Variants in GPR137C observed in about 807,000 individuals in gnomAD.
GPR137C encodes G protein-coupled receptor 137C, also known as integral membrane protein GPR137C.
A neutral mutation model predicts 43.4 loss-of-function variants in GPR137C; 27 were observed. That is an observed-to-expected ratio of 0.62 (90% CI 0.46 to 0.86). The LOEUF is 0.86. Ranked by LOEUF, GPR137C falls within the 40% of genes least tolerant of loss-of-function variation. The pLI is 0.00. For missense variants in GPR137C, 522 were observed against 534.6 expected (o/e 0.98, Z 0.23); for synonymous variants, 285 against 226.9 (o/e 1.26, Z -2.30).
rs1013867540 is a variant in GPR137C at position 52,612,145 on chromosome 14, TC to T, written c.717+11805del. Reference sequence around the variant, plus strand: ...TTATCCTTACTAAAAATGTATTTTTTCTGATTATTAAAACTTGGCAATATGA... The same window carrying T: ...TTATCCTTACTAAAAATGTATTTTTTTGATTATTAAAACTTGGCAATATGA... On this transcript the variant is annotated intron_variant, in intron 3 of 6. Transcript: ENST00000321662. The T allele has an allele frequency of 6.1e-6, 6 of 983,428 alleles. No homozygotes were observed. In the African/African-American group the frequency reaches 7.0e-5, roughly 11 times the overall value. 60.9% of individuals were successfully genotyped at this position (983,428 alleles called of 1,614,324 possible). A position where few individuals can be genotyped will look rare whatever the true frequency, so the allele number is the denominator to read the frequency against.
At chr14:52,598,237 G>GT in intron 1 of GPR137C, 35 bp from the exon 2 acceptor site, 2 of 872,832 alleles carry the variant, frequency 2.3e-6, no homozygotes, top group Non-Finnish European at 3.4e-6. Context: ...TATATTACAC[G>GT]TTTTCAAAAT....
intron 3 of GPR137C, among the ~76,000 whole-genome samples, chr14:52,610,060 C>T (rs181552065): frequency 2.8e-4 from 42 of 152,250 alleles, no homozygotes; most frequent in African/African-American, 1.0e-3. Flanking sequence ...CTACAGGTAC[C>T]TATGTGATGG....
intron 3 of GPR137C, among the ~76,000 whole-genome samples, chr14:52,616,874 T>C (rs2139561217): frequency 6.6e-6 from 1 of 152,330 alleles, no homozygotes; most frequent in South Asian, 2.1e-4. Flanking sequence ...TAGAGTCGTC[T>C]TTTCTGACCT....
At chr14:52,609,355 G>C (rs752663709) in intron 3 of GPR137C, among the ~76,000 whole-genome samples, 2 of 152,238 alleles carry the variant, frequency 1.3e-5, no homozygotes, top group African/African-American at 2.4e-5. Flanking sequence ...CCTTAAAACA[G>C]CTATTTAAAA....
chr14:52,598,641 T>A (rs1375973791), intron 2 of GPR137C, among the ~76,000 whole-genome samples: 1 of 152,176 alleles, frequency 6.6e-6, no homozygotes, highest in Non-Finnish European at 1.5e-5. Flanking sequence ...ATTATGCTGT[T>A]TGGAGTGAGA....
chr14:52,553,093 C>A lies in GPR137C; in HGVS notation c.-55C>A. 1 of 1,002,976 alleles carries A rather than the reference C, an allele frequency of 1.0e-6. No individual in the cohort carries two copies. Among genetic ancestry groups the A allele is most frequent in the African/African-American group, 1.7e-5 (1 of 58,410 alleles). The allele number at this position is 1,002,976 out of a possible 1,614,324, so 62.1% of individuals were successfully genotyped here. ...CAGTCCTTCTCCCCTTCGACGGCGG[C>A]TCCGAGTCCAGCCCCTTCCTTCCCG... is the stretch of plus-strand genomic sequence containing the variant. On this transcript the variant is annotated 5_prime_UTR_variant, in exon 1 of 7. Transcript: ENST00000321662.
chr14:52,625,468 T>G (rs12893835), intron 3 of GPR137C, among the ~76,000 whole-genome samples: 1 of 114,342 alleles, frequency 8.7e-6, no homozygotes, highest in African/African-American at 3.4e-5. Flanking sequence ...GGTGACAGAG[T>G]GAGACTCCAT....
chr14:52,624,003 C>A (rs1054811252), intron 3 of GPR137C, among the ~76,000 whole-genome samples: 4 of 151,740 alleles, frequency 2.6e-5, no homozygotes, highest in Admixed American at 1.3e-4. Flanking sequence ...AGCAACAATT[C>A]CCCCATTTCT....
intron 1 of GPR137C, among the ~76,000 whole-genome samples, chr14:52,565,412 T>G (rs1049876166): frequency 6.6e-5 from 10 of 152,216 alleles, no homozygotes; most frequent in African/African-American, 2.4e-4. Flanking sequence ...CTGAGTAATT[T>G]ATACCTTATG....
chr14:52,557,721 T>G (rs2139430406), intron 1 of GPR137C, among the ~76,000 whole-genome samples: 1 of 152,346 alleles, frequency 6.6e-6, no homozygotes, highest in East Asian at 1.9e-4. Context: ...GTAACATTTG[T>G]CTTCACAACC....
At chr14:52,602,130 A>T (rs1032961081) in intron 3 of GPR137C, among the ~76,000 whole-genome samples, 1 of 151,170 alleles carries the variant, frequency 6.6e-6, no homozygotes, top group Non-Finnish European at 1.5e-5. Context: ...CAGTCTTCCT[A>T]ACTAGATTAT....
chr14:52,568,199 G>A (rs1357579890), intron 1 of GPR137C, among the ~76,000 whole-genome samples: 1 of 152,158 alleles, frequency 6.6e-6, no homozygotes, highest in Admixed American at 6.5e-5. Context: ...GAAGCCCAAG[G>A]GGTCAGGGAA....
intron 3 of GPR137C, among the ~76,000 whole-genome samples, chr14:52,629,905 T>C (rs2139580994): frequency 6.6e-6 from 1 of 152,320 alleles, no homozygotes; most frequent in East Asian, 1.9e-4. Context: ...TTTTCACTTA[T>C]CAAGTGTGGA....
intron 1 of GPR137C, among the ~76,000 whole-genome samples, chr14:52,571,485 C>T (rs1024339732): frequency 6.6e-6 from 1 of 151,994 alleles, no homozygotes; most frequent in African/African-American, 2.4e-5. Flanking sequence ...CCAGCCTGGC[C>T]AACATAGTGA....
intron 3 of GPR137C, among the ~76,000 whole-genome samples, chr14:52,609,731 C>T (rs185506195): frequency 9.2e-5 from 14 of 152,244 alleles, no homozygotes; most frequent in African/African-American, 2.4e-4. Context: ...AGGAAGGTAC[C>T]GGGGCTGGGT....
chr14:52,590,137 G>T (rs529028941), intron 1 of GPR137C, among the ~76,000 whole-genome samples: 2 of 152,116 alleles, frequency 1.3e-5, no homozygotes, highest in African/African-American at 2.4e-5. Context: ...TTAGAAGACA[G>T]TGATACAGAT....
At chr14:52,608,083 A>G (rs1405240490) in intron 3 of GPR137C, among the ~76,000 whole-genome samples, 1 of 152,148 alleles carries the variant, frequency 6.6e-6, no homozygotes. Flanking sequence ...GTATCTTTTA[A>G]TTAGACAGTT....
intron 1 of GPR137C, among the ~76,000 whole-genome samples, chr14:52,557,759 GT>G (rs2038216484): frequency 6.6e-6 from 1 of 152,180 alleles, no homozygotes; most frequent in Non-Finnish European, 1.5e-5. Context: ...GATGTGATTT[GT>G]CCAAAATTAA....
intron 1 of GPR137C, among the ~76,000 whole-genome samples, chr14:52,585,456 A>C (rs1316443821): frequency 2.0e-5 from 3 of 152,154 alleles, no homozygotes; most frequent in Non-Finnish European, 2.9e-5. Flanking sequence ...TCAATTTCTG[A>C]CCAACAGATT....
Sources: gnomAD v4.1 joint callset for allele counts (sites outside exome capture counted in the v4.1 genomes callset) on GRCh38, gnomAD v4.1.1 for gene constraint, MANE v1.5 for transcripts, NCBI Gene and HGNC (gene_info 2026-07-23, HGNC 2026-07-21) for gene names.